HPSE2: variants seen among roughly 807,000 people sequenced by gnomAD.
HPSE2 encodes heparanase 2 (inactive).
Under a neutral mutation model 60.5 loss-of-function variants are expected in HPSE2, and 38 were observed. The ratio of observed to expected loss-of-function variants is 0.63; its 90% CI spans 0.48 to 0.82. HPSE2 has a LOEUF of 0.82. HPSE2 is among the 40% of genes least tolerant of loss of function. The probability of loss-of-function intolerance (pLI) is 0.00; values close to 1 mark genes in which losing one functional copy is unlikely to be tolerated. For missense variants in HPSE2, 713 were observed against 740.4 expected, an observed-to-expected ratio of 0.96 and a Z score of 0.43; for synonymous variants, 295 against 293.2, an observed-to-expected ratio of 1.01 and a Z score of -0.06.
intron 3 of HPSE2, among the ~76,000 whole-genome samples, chr10:98,959,036 T>C (rs544511234): frequency 6.6e-6 from 1 of 152,048 alleles, no homozygotes; most frequent in African/African-American, 2.4e-5. Context: ...ATAATGTATA[T>C]GAAGTCAAAA....
the HPSE2 span, among the ~76,000 whole-genome samples, chr10:99,263,358 T>A: frequency 6.6e-6 from 1 of 152,228 alleles, no homozygotes; most frequent in Non-Finnish European, 1.5e-5. Context: ...AAGGACTACA[T>A]GTCAATATTT....
At chr10:98,814,698 A>G (rs1448654162) in intron 3 of HPSE2, among the ~76,000 whole-genome samples, 1 of 152,254 alleles carries the variant, frequency 6.6e-6, no homozygotes, top group Non-Finnish European at 1.5e-5. Flanking sequence ...TTCAAGTATT[A>G]CAATGCTCCA....
At chr10:99,124,258 T>C (rs141714205) in intron 3 of HPSE2, among the ~76,000 whole-genome samples, 27 of 152,320 alleles carry the variant, frequency 1.8e-4, no homozygotes, top group South Asian at 8.3e-4. Flanking sequence ...AAGTGTGTAC[T>C]GATTTGGTCC....
intron 3 of HPSE2, among the ~76,000 whole-genome samples, chr10:98,807,672 T>G (rs2134555495): frequency 6.6e-6 from 1 of 152,356 alleles, no homozygotes; most frequent in East Asian, 1.9e-4. Flanking sequence ...TTACTGACAT[T>G]TCTTCATTGT....
At chr10:98,776,186 AC>A (rs1160131956) in intron 3 of HPSE2, among the ~76,000 whole-genome samples, 1 of 150,752 alleles carries the variant, frequency 6.6e-6, no homozygotes, top group East Asian at 2.0e-4. Context: ...TAATCCCAGC[AC>A]TCTGGGAGGC....
At chr10:99,045,429 C>A (rs1435011378) in intron 3 of HPSE2, among the ~76,000 whole-genome samples, 2 of 151,830 alleles carry the variant, frequency 1.3e-5, no homozygotes, top group Non-Finnish European at 2.9e-5. Flanking sequence ...CCTAAAGGAA[C>A]TAGAAGAAAA....
At chr10:99,050,854 T>C (rs975348338) in intron 3 of HPSE2, among the ~76,000 whole-genome samples, 13 of 151,996 alleles carry the variant, frequency 8.6e-5, no homozygotes, top group African/African-American at 3.1e-4. Flanking sequence ...GTAGGGATAA[T>C]AAGGAGATGT....
chr10:98,685,912 T>C (rs957327570), intron 6 of HPSE2, among the ~76,000 whole-genome samples: 1 of 152,222 alleles, frequency 6.6e-6, no homozygotes, highest in African/African-American at 2.4e-5. Context: ...TCAAAGAATT[T>C]ATCTACTTTG....
At chr10:98,728,498 A>G (rs1949147758) in intron 4 of HPSE2, among the ~76,000 whole-genome samples, 1 of 152,028 alleles carries the variant, frequency 6.6e-6, no homozygotes, top group East Asian at 1.9e-4. Flanking sequence ...GGTACCTGTA[A>G]TCCCAGCTAC....
intron 3 of HPSE2, among the ~76,000 whole-genome samples, chr10:98,868,109 A>G (rs1471377873): frequency 6.6e-6 from 1 of 150,812 alleles, no homozygotes; most frequent in East Asian, 1.9e-4. Context: ...AAATAAATAA[A>G]TAAATAAATA....
At chr10:99,168,324 C>T (rs1462428053) in intron 2 of HPSE2, among the ~76,000 whole-genome samples, 1 of 152,048 alleles carries the variant, frequency 6.6e-6, no homozygotes, top group Non-Finnish European at 1.5e-5. Context: ...AGTTCTGCTG[C>T]CCTGATAAAT....
At chr10:98,986,870 C>A (rs574029637) in intron 3 of HPSE2, among the ~76,000 whole-genome samples, 17 of 152,178 alleles carry the variant, frequency 1.1e-4, no homozygotes, top group African/African-American at 3.9e-4. Context: ...AACACCTCTA[C>A]GGAAATAAAC....
At chr10:99,169,504 C>CAAAAAAAAAAAA (rs562946052) in intron 2 of HPSE2, among the ~76,000 whole-genome samples, 10 of 54,734 alleles carry the variant, frequency 1.8e-4, no homozygotes, top group Admixed American at 3.5e-4. Context: ...GACTCCGTCT[C>CAAAAAAAAAAAA]AAAAAAAAAA....
At chr10:98,463,542 C>T (rs1940397349) in intron 11 of HPSE2, among the ~76,000 whole-genome samples, 2 of 152,222 alleles carry the variant, frequency 1.3e-5, no homozygotes, top group African/African-American at 2.4e-5. Flanking sequence ...TGGCTCATGC[C>T]TGTAATCCCA....
At chr10:98,491,343 C>G (rs1941637621) in intron 9 of HPSE2, among the ~76,000 whole-genome samples, 1 of 152,102 alleles carries the variant, frequency 6.6e-6, no homozygotes, top group African/African-American at 2.4e-5. Flanking sequence ...GTAGTGTGCT[C>G]TAAGCCATGC....
intron 3 of HPSE2, among the ~76,000 whole-genome samples, chr10:99,089,345 T>A (rs1018094553): frequency 2.0e-4 from 31 of 152,190 alleles, no homozygotes; most frequent in African/African-American, 7.5e-4. Flanking sequence ...GAGTTGATTT[T>A]TGTATAAGGT....
chr10:98,901,198 C>A (rs1397182263), intron 3 of HPSE2, among the ~76,000 whole-genome samples: 1 of 152,032 alleles, frequency 6.6e-6, no homozygotes, highest in Non-Finnish European at 1.5e-5. Flanking sequence ...TTGTTTGGGG[C>A]TGGGGATGGA....
At chr10:98,759,306 C>A (rs7894873) in intron 3 of HPSE2, among the ~76,000 whole-genome samples, 105,335 of 151,932 alleles carry the variant, frequency 0.69, 37,630 homozygotes, top group Non-Finnish European at 0.8. Context: ...ACCCATGCAA[C>A]AAACCTGCAC....
At chr10:98,693,090 A>G (rs1326304852) in intron 6 of HPSE2, among the ~76,000 whole-genome samples, 1 of 152,244 alleles carries the variant, frequency 6.6e-6, no homozygotes, top group East Asian at 1.9e-4. Context: ...ATTGAGAAAG[A>G]GGGCCATTGC....
Sources: gnomAD v4.1 joint callset for allele counts (sites outside exome capture counted in the v4.1 genomes callset) on GRCh38, gnomAD v4.1.1 for gene constraint, MANE v1.5 for transcripts, NCBI Gene and HGNC (gene_info 2026-07-23, HGNC 2026-07-21) for gene names.